The following PXDN variants were observed in gnomAD, a reference collection of about 807,000 sequenced individuals.
PXDN encodes peroxidasin homolog.
Under a neutral mutation model 140.3 loss-of-function variants are expected in PXDN, and 77 were observed. The ratio of observed to expected loss-of-function variants is 0.55; its 90% confidence interval spans 0.46 to 0.66. PXDN has a LOEUF of 0.66. PXDN is among the 30% of genes least tolerant of loss of function. The pLI is 0.00. For synonymous variants in PXDN, 911 were observed against 857.4 expected (o/e 1.06, Z -1.09); for missense variants, 1,838 against 2,039.5 (o/e 0.90, Z 1.90).
Position 1,744,488 on chromosome 2 carries a change from G to T in PXDN, c.-33C>A. 1.4e-6 allele frequency: 2 copies of T among 1,401,172 alleles called. No homozygotes were observed. The highest frequency in any genetic ancestry group is 1.8e-6 in the Non-Finnish European group (2 of 1,087,124). The allele number at this position is 1,401,172 out of a possible 1,614,324, so 86.8% of individuals were successfully genotyped here. A position where few individuals can be genotyped will look rare whatever the true frequency, so the allele number is the denominator to read the frequency against. On this transcript the variant is annotated 5_prime_UTR_variant, in exon 1 of 23. Transcript: ENST00000252804. ...GGCGCGGACGGACGCTCGGACGCAC[G>T]GAGCCACCACGGCCGGCTCCCGACT...
chr2:1,649,370 C>G lies in PXDN; in HGVS notation c.2410G>C (p.Gly804Arg), dbSNP rs543354457. The stretch of plus-strand genomic sequence containing the variant: ...TCGTCGGGTGTGACGGTCTCCGTCC[C>G]GATCAGGGTGGTGGACACCAGGCGC... ...MPRLVSTTLI[G>R]TETVTPDEQF... is the part of the protein sequence containing the mutation. Residue 804 changes from glycine (G) to arginine (R), a missense_variant, in exon 17 of 23, where the codon GGG becomes CGG. Physicochemically the swap from Gly to Arg is moderately radical, Grantham distance 125. Around this residue, in one of 5 missense-constraint regions of PXDN, gnomAD observed 537 missense variants for 583.9 expected, o/e 0.92. Coordinates refer to ENST00000252804, the MANE Select transcript of PXDN (RefSeq NM_012293.3). The surrounding 1 kb of genome is among the most constrained non-coding windows in gnomAD (Gnocchi z 7.1). 1 of 1,613,950 alleles carries G rather than the reference C, an allele frequency of 6.2e-7. No homozygotes were observed. Among genetic ancestry groups the G allele is most frequent in the East Asian group, 2.2e-5 (1 of 44,848 alleles).
intron 3 of PXDN, among the ~76,000 whole-genome samples, chr2:1,689,852 T>G (rs548203701): frequency 6.6e-6 from 1 of 151,808 alleles, no homozygotes; most frequent in Non-Finnish European, 1.5e-5. Flanking sequence ...CATCATAGAG[T>G]TGACCCTTGA....
At chr2:1,650,708 C>T (rs367705090) in intron 16 of PXDN, among the ~76,000 whole-genome samples, 58 of 152,182 alleles carry the variant, frequency 3.8e-4, no homozygotes, top group African/African-American at 9.2e-4. Context: ...CACACATGCA[C>T]GCTTAAATGT....
chr2:1,636,536 CT>C (rs1465287124), intron 21 of PXDN: 2 of 152,170 alleles, frequency 1.3e-5, no homozygotes, highest in Non-Finnish European at 2.9e-5. Flanking sequence ...ATAATGACAG[CT>C]GGACATCTAG....
rs759513299 is a variant in PXDN at position 1,644,680 on chromosome 2, C to A, written c.3681G>T (p.Arg1227=). ...LVVEDLVPGS[R]LGPTLMCLLS... ...GAAGACACATCAGGGTGGGGCCCAG[C>A]CGGCTGCCAGGCACCAGGTCCTCCA... Residue 1227 remains arginine (R), a synonymous_variant, in exon 18 of 23, where the codon CGG becomes CGT. Coordinates refer to ENST00000252804, the MANE Select transcript of PXDN (RefSeq NM_012293.3). 6.2e-7 allele frequency: 1 copy of A among 1,605,154 alleles called. No individual in the cohort carries two copies. Among genetic ancestry groups the A allele is most frequent in the Non-Finnish European group, 8.5e-7 (1 of 1,174,106 alleles).
chr2:1,692,447 G>C (rs968272569), intron 2 of PXDN: 3 of 468,912 alleles, frequency 6.4e-6, no homozygotes, highest in African/African-American at 4.0e-5. Flanking sequence ...TGGGGTGAGA[G>C]ACCCCGGGCC....
At chr2:1,653,430 A>G in intron 16 of PXDN, 198 bp downstream of exon 16, 1 of 810,128 alleles carries the variant, frequency 1.2e-6, no homozygotes, top group South Asian at 1.5e-5. Context: ...TCCCCCAGAG[A>G]TTCCTATTAA....
chr2:1,744,668 A>G (rs1377030163), upstream of PXDN: 3 of 364,542 alleles, frequency 8.2e-6, no homozygotes, highest in Non-Finnish European at 1.4e-5. Context: ...GAGCGCCCTC[A>G]TCCCGGTGGG....
Position 1,666,274 on chromosome 2 carries a change from C to T in PXDN, c.1231G>A (p.Ala411Thr), listed in dbSNP as rs776187191. ...NVVQGDSGEY[A>T]CSATNNIDSV... Reference sequence around the variant, plus strand: ...TCAATGTTGTTGGTCGCAGAGCACGCATACTCTCCGCTGTCCCCCTGTACG... The same window carrying T: ...TCAATGTTGTTGGTCGCAGAGCACGTATACTCTCCGCTGTCCCCCTGTACG... The change falls in exon 10 of 23, where the codon GCG (alanine) becomes ACG (threonine). Residue 411 changes from alanine (A) to threonine (T), a missense_variant. Ala to Thr is a moderately conservative substitution (Grantham distance 58, BLOSUM62 0). This residue lies in a region of PXDN where 537 missense variants were observed against 583.9 expected (regional missense o/e 0.92). Transcript: ENST00000252804. The T allele has an allele frequency of 6.2e-7, 1 of 1,614,056 alleles. No homozygotes were observed. Among genetic ancestry groups the T allele is most frequent in the Non-Finnish European group, 8.5e-7 (1 of 1,179,908 alleles).
chr2:1,744,558 CG>C (rs907970488), upstream of PXDN: 14 of 995,096 alleles, frequency 1.4e-5, no homozygotes, highest in East Asian at 7.5e-5. Flanking sequence ...GCGCGGGGGG[CG>C]GGGGGCGCCA....
At chr2:1,636,746 C>CACTTAGGGGTGGCAGCCAGGACGG (rs1682570898) in intron 21 of PXDN, 1 of 150,440 alleles carries the variant, frequency 6.6e-6, no homozygotes, top group Admixed American at 6.6e-5. Flanking sequence ...GGCCAGAGAG[C>CACTTAGGGGTGGCAGCCAGGACGG]ACTTAGGGGT....
chr2:1,687,682 G>C lies in PXDN; in HGVS notation c.366C>G (p.Ile122Met), dbSNP rs369934037. ...TAAATGCTTGCCTGTCAATTGACTG[G>C]ATCTCATTCTTGTACAGATAGCTGA... ...LKYLYLYKNE[I>M]QSIDRQAFKG... is the part of the protein sequence containing the mutation. The change falls in exon 4 of 23, where the codon ATC (isoleucine) becomes ATG (methionine). Residue 122 changes from isoleucine to methionine, a missense_variant. By Grantham distance (10) the Ile-to-Met change is conservative (BLOSUM62 1). This residue lies in a region of PXDN where 231 missense variants were observed against 201.5 expected (regional missense o/e 1.15). Transcript: ENST00000252804. This position sits in a 1 kb window ranked among gnomAD's most constrained non-coding sequence, Gnocchi z 4.0. 1 of 1,530,734 alleles carries C rather than the reference G, an allele frequency of 6.5e-7. No homozygotes were observed. The highest frequency in any genetic ancestry group is 9.0e-7 in the Non-Finnish European group (1 of 1,108,012). The allele number at this position is 1,530,734 out of a possible 1,614,324, so 94.8% of individuals were successfully genotyped here. A position where few individuals can be genotyped will look rare whatever the true frequency, so the allele number is the denominator to read the frequency against.
chr2:1,671,280 C>T (rs1429680833), intron 9 of PXDN, among the ~76,000 whole-genome samples: 1 of 152,032 alleles, frequency 6.6e-6, no homozygotes, highest in African/African-American at 2.4e-5. Flanking sequence ...TAATTATTTC[C>T]AACTAAAGCA....
chr2:1,681,708 G>A (rs891807986), intron 6 of PXDN, among the ~76,000 whole-genome samples: 17 of 152,022 alleles, frequency 1.1e-4, no homozygotes, highest in Non-Finnish European at 2.5e-4. Context: ...GAGGCTGTGA[G>A]GGGGACAGTG....
intron 12 of PXDN, among the ~76,000 whole-genome samples, chr2:1,663,377 C>T (rs1219875377): frequency 1.3e-5 from 2 of 152,146 alleles, no homozygotes; most frequent in Non-Finnish European, 2.9e-5. Flanking sequence ...TTCAAAACAA[C>T]CATCACTGAA....
rs1682488770 is a variant in PXDN, at chr2:1,634,260, T to C, written c.4384A>G (p.Ile1462Val). 1.9e-6 allele frequency: 3 copies of C among 1,607,926 alleles called. No individual in the cohort carries two copies. In the African/African-American group the frequency reaches 4.0e-5, roughly 21 times the overall value. The change falls in exon 23 of 23, where the codon ATC becomes GTC. Residue 1462 changes from isoleucine (I) to valine (V), a missense_variant. Physicochemically the swap from Ile to Val is conservative, Grantham distance 29. Around this residue, in one of 5 missense-constraint regions of PXDN, gnomAD observed 850 missense variants for 894.1 expected, o/e 0.95. Coordinates refer to ENST00000252804, the MANE Select transcript of PXDN (RefSeq NM_012293.3). ...CAGACTGGACAGCAGGCCCCTGGGA[T>C]GTTCACGGGGACAGCACAGGTGGCA... ...PPATCAVPVN[I>V]PGACCPVCLQ... is the part of the protein sequence containing the mutation.
At chr2:1,710,731 TCTCCACCAGCACCCA>T (rs1250122885) in intron 1 of PXDN, among the ~76,000 whole-genome samples, 1,206 of 38,206 alleles carry the variant, frequency 0.032, 150 homozygotes, top group Non-Finnish European at 0.04. Flanking sequence ...ACCAGCACCC[TCTCCACCAGCACCCA>T]CTCCACCAGC....
chr2:1,707,784 G>GCGACGATCGC (rs2125465075), intron 1 of PXDN, among the ~76,000 whole-genome samples: 1 of 152,058 alleles, frequency 6.6e-6, no homozygotes, highest in Non-Finnish European at 1.5e-5. Flanking sequence ...GGTGCCGAAA[G>GCGACGATCGC]CGACGATCTG....
chr2:1,698,723 C>T (rs1296474842), intron 1 of PXDN, among the ~76,000 whole-genome samples: 1 of 152,170 alleles, frequency 6.6e-6, no homozygotes, highest in Non-Finnish European at 1.5e-5. Flanking sequence ...GACTCTTCCA[C>T]TTACATTCAA....
Sources: gnomAD v4.1 joint callset for allele counts (sites outside exome capture counted in the v4.1 genomes callset) on GRCh38, gnomAD v4.1.1 for gene constraint, gnomAD v4.1.1 regional missense constraint, Gnocchi (gnomAD v3.1) non-coding constraint, MANE v1.5 for transcripts, NCBI Gene and HGNC (gene_info 2026-07-23, HGNC 2026-07-21) for gene names.